Variants in MARCHF1 observed in about 807,000 individuals in gnomAD.
MARCHF1 encodes the protein membrane associated ring-CH-type finger 1, also known as E3 ubiquitin-protein ligase MARCHF1.
In MARCHF1, 40 loss-of-function variants were observed where a neutral mutation model predicts 54.2. The ratio of observed to expected loss-of-function variants is 0.74; its 90% confidence interval spans 0.57 to 0.96. MARCHF1 has a LOEUF of 0.96. Among genes scored for constraint, MARCHF1 ranks in the 40% least tolerant of loss-of-function variants. The pLI is 0.00. For missense variants in MARCHF1, 586 were observed against 656.5 expected (o/e 0.89, Z 1.17); for synonymous variants, 236 against 236.3 (o/e 1.00, Z 0.01).
intron 4 of MARCHF1, among the ~76,000 whole-genome samples, chr4:163,803,674 T>C (rs1187823304): frequency 6.6e-6 from 1 of 152,156 alleles, no homozygotes; most frequent in Admixed American, 6.5e-5. Context: ...AGAGCTAAAG[T>C]CAGTTATTTT....
intron 4 of MARCHF1, among the ~76,000 whole-genome samples, chr4:163,757,734 G>A (rs1746718549): frequency 6.6e-6 from 1 of 152,120 alleles, no homozygotes; most frequent in Admixed American, 6.5e-5. Context: ...TGACCTATCT[G>A]ATCGTAAATT....
At chr4:164,229,086 G>A (rs1732336217) in intron 1 of MARCHF1, among the ~76,000 whole-genome samples, 1 of 152,134 alleles carries the variant, frequency 6.6e-6, no homozygotes, top group Non-Finnish European at 1.5e-5. Flanking sequence ...CAAATATATA[G>A]AAAGCTGTCA....
intron 2 of MARCHF1, among the ~76,000 whole-genome samples, chr4:164,094,805 C>T (rs373714318): frequency 6.6e-6 from 1 of 152,008 alleles, no homozygotes; most frequent in Non-Finnish European, 1.5e-5. Context: ...AAAAAATATA[C>T]CTTCAGTTCA....
At chr4:164,308,302 A>G (rs1057404912) in intron 1 of MARCHF1, among the ~76,000 whole-genome samples, 1 of 152,220 alleles carries the variant, frequency 6.6e-6, no homozygotes, top group African/African-American at 2.4e-5. Context: ...AATTATACTT[A>G]TATTGAACTA....
intron 3 of MARCHF1, among the ~76,000 whole-genome samples, chr4:163,889,924 T>C (rs1426689332): frequency 3.0e-4 from 34 of 114,882 alleles, no homozygotes; most frequent in East Asian, 4.2e-4. Context: ...ATTTTCTTTT[T>C]TCTTTTTTTT....
chr4:164,004,724 G>A (rs1007630290), intron 2 of MARCHF1, among the ~76,000 whole-genome samples: 2 of 151,884 alleles, frequency 1.3e-5, no homozygotes, highest in African/African-American at 2.4e-5. Flanking sequence ...TGGAAGTCAA[G>A]TAATGTCTTT....
intron 8 of MARCHF1, among the ~76,000 whole-genome samples, chr4:163,546,116 G>A (rs576907310): frequency 5.9e-5 from 9 of 151,928 alleles, no homozygotes; most frequent in Non-Finnish European, 1.3e-4. Flanking sequence ...TGGGACTATG[G>A]GTATGTACCA....
At chr4:164,049,171 C>T (rs559729464) in intron 2 of MARCHF1, among the ~76,000 whole-genome samples, 58 of 152,238 alleles carry the variant, frequency 3.8e-4, no homozygotes, top group East Asian at 9.6e-4. Context: ...ACAATCATGG[C>T]GGAAGGGGAA....
chr4:164,307,131 G>A (rs1007335563), intron 1 of MARCHF1, among the ~76,000 whole-genome samples: 1 of 152,042 alleles, frequency 6.6e-6, no homozygotes, highest in African/African-American at 2.4e-5. Context: ...ACACTTCCTT[G>A]CCACCCACAC....
chr4:164,272,557 A>G (rs377037777), intron 1 of MARCHF1, among the ~76,000 whole-genome samples: 5 of 152,156 alleles, frequency 3.3e-5, no homozygotes, highest in East Asian at 1.9e-4. Context: ...AAGTCCAAAA[A>G]CTTCCAAAAT....
chr4:163,792,213 T>G (rs964348760), intron 4 of MARCHF1, among the ~76,000 whole-genome samples: 1 of 152,204 alleles, frequency 6.6e-6, no homozygotes, highest in Admixed American at 6.6e-5. Context: ...ACAAAGGAAT[T>G]CTCTCTTTAC....
rs1733400405 is a variant in MARCHF1 at position 164,259,561 on chromosome 4, A to AAG, written c.-323+124308_-323+124309insCT. On this transcript the variant is annotated intron_variant, in intron 1 of 9. Coordinates refer to ENST00000514618, the MANE Select transcript of MARCHF1 (RefSeq NM_001394959.1). ...CCGTGTCTCAAAAAAAAAAAAAAAA[A>AAG]AAAAGAAAAAAGAAAAAGAAAAAAG... Among the ~76,000 whole-genome samples the AAG allele has an allele frequency of 1.4e-3, 165 of 115,756 alleles. 2 individuals carry two copies. The highest frequency in any genetic ancestry group is 2.0e-3 in the Non-Finnish European group (117 of 58,844). The allele number at this position is 115,756 out of a possible 152,430, so 75.9% of individuals were successfully genotyped here.
chr4:163,832,155 A>C (rs548185597), intron 4 of MARCHF1, among the ~76,000 whole-genome samples: 216 of 152,344 alleles, frequency 1.4e-3, no homozygotes, highest in Non-Finnish European at 2.2e-3. Flanking sequence ...AAGAGATTGG[A>C]GGTACATGAC....
chr4:163,706,605 G>C (rs771277211), intron 4 of MARCHF1, among the ~76,000 whole-genome samples: 5 of 151,838 alleles, frequency 3.3e-5, no homozygotes, highest in Non-Finnish European at 7.4e-5. Flanking sequence ...ATTGTGATCT[G>C]AACAAATAAA....
chr4:163,877,120 G>T (rs866447769), intron 3 of MARCHF1, among the ~76,000 whole-genome samples: 31 of 152,104 alleles, frequency 2.0e-4, no homozygotes, highest in Admixed American at 1.3e-4. Flanking sequence ...TGGAAACCGT[G>T]TTCAGAACTG....
chr4:163,712,126 C>T (rs1045360788), intron 4 of MARCHF1, among the ~76,000 whole-genome samples: 1 of 152,030 alleles, frequency 6.6e-6, no homozygotes, highest in Non-Finnish European at 1.5e-5. Flanking sequence ...CATTATAGAC[C>T]GACCATGTAA....
At chr4:163,550,974 A>G (rs1579054509) in intron 8 of MARCHF1, among the ~76,000 whole-genome samples, 1 of 152,206 alleles carries the variant, frequency 6.6e-6, no homozygotes, top group East Asian at 1.9e-4. Context: ...GATGCAAGCT[A>G]CAGTTAGAGA....
intron 1 of MARCHF1, among the ~76,000 whole-genome samples, chr4:164,309,066 T>A (rs922682397): frequency 1.3e-5 from 2 of 151,840 alleles, no homozygotes; most frequent in Non-Finnish European, 2.9e-5. Flanking sequence ...AGTAGATAGA[T>A]GATTGATAGG....
chr4:164,318,343 AG>A (rs1300632155), intron 1 of MARCHF1, among the ~76,000 whole-genome samples: 1 of 152,118 alleles, frequency 6.6e-6, no homozygotes, highest in Non-Finnish European at 1.5e-5. Context: ...GTGGGAAGTA[AG>A]GGGGTTGGTT....
Sources: gnomAD v4.1 joint callset for allele counts (sites outside exome capture counted in the v4.1 genomes callset) on GRCh38, gnomAD v4.1.1 for gene constraint, MANE v1.5 for transcripts, NCBI Gene and HGNC (gene_info 2026-07-23, HGNC 2026-07-21) for gene names.